Variants in ATP8A2 observed in about 807,000 individuals in gnomAD.
ATP8A2 encodes the protein ATPase phospholipid transporting 8A2.
A neutral mutation model predicts 165.6 loss-of-function variants in ATP8A2; 100 were observed. The observed-to-expected ratio is 0.60, with a 90% confidence interval of 0.51 to 0.71. The LOEUF (loss-of-function observed/expected upper bound fraction) is 0.71. ATP8A2 is among the 30% of genes least tolerant of loss of function. The pLI is 0.00. For synonymous variants in ATP8A2, 543 were observed against 548.8 expected (o/e 0.99, Z 0.15); for missense variants, 1,227 against 1,479.5 (o/e 0.83, Z 2.80).
intron 24 of ATP8A2, among the ~76,000 whole-genome samples, chr13:25,651,335 C>G (rs1433440765): frequency 6.6e-6 from 1 of 151,624 alleles, no homozygotes; most frequent in Admixed American, 6.6e-5. Context: ...CCCAGCTACT[C>G]GGGAGGCTGA....
rs1409523017 is a variant in ATP8A2, at chr13:25,668,391, T to A, written c.2212-30782T>A. Reference sequence around the variant, plus strand: ...ATGGTTTCTGATGAGAAATTGGCAGTTGATTTTATTAAGGATTGCTTGTGT... The same window carrying A: ...ATGGTTTCTGATGAGAAATTGGCAGATGATTTTATTAAGGATTGCTTGTGT... On this transcript the variant is annotated intron_variant, in intron 24 of 36. Coordinates refer to ENST00000381655, the MANE Select transcript of ATP8A2 (RefSeq NM_016529.6). Among the ~76,000 whole-genome samples the A allele has an allele frequency of 2.0e-5, 3 of 152,162 alleles. No individual in the cohort carries two copies. The East Asian group carries it at 5.8e-4, about 29-fold the overall frequency.
At chr13:25,415,498 A>G (rs571014927) in intron 1 of ATP8A2, among the ~76,000 whole-genome samples, 6 of 152,316 alleles carry the variant, frequency 3.9e-5, no homozygotes, top group Non-Finnish European at 7.3e-5. Flanking sequence ...TGAAGATTTC[A>G]TCAGATCAAA....
At chr13:25,828,335 G>T in intron 28 of ATP8A2, 143 bp downstream of exon 28, 1 of 731,226 alleles carries the variant, frequency 1.4e-6, no homozygotes. Flanking sequence ...TGGGCCCTTT[G>T]TTGCTGTGAA....
chr13:25,800,689 TG>T (rs1419456351), intron 27 of ATP8A2, among the ~76,000 whole-genome samples: 1 of 152,170 alleles, frequency 6.6e-6, no homozygotes, highest in Non-Finnish European at 1.5e-5. Context: ...AGTAACTCCC[TG>T]GGCGATCGCC....
chr13:25,976,780 TTTTG>T (rs373315805), intron 35 of ATP8A2, among the ~76,000 whole-genome samples: 1,829 of 150,474 alleles, frequency 0.012, 36 homozygotes, highest in African/African-American at 0.037. Context: ...AAGCGGCTCA[TTTTG>T]TTTGTTTGTT....
intron 10 of ATP8A2, among the ~76,000 whole-genome samples, chr13:25,548,140 C>T (rs1423552563): frequency 5.3e-5 from 8 of 152,058 alleles, no homozygotes; most frequent in East Asian, 1.9e-4. Flanking sequence ...GCAGAAGAAT[C>T]GCTTGAACCT....
At chr13:25,877,588 G>A (rs756829108) in intron 33 of ATP8A2, among the ~76,000 whole-genome samples, 34 of 152,080 alleles carry the variant, frequency 2.2e-4, no homozygotes, top group Middle Eastern at 3.4e-3. Context: ...TCCTCCCCCC[G>A]ACCCCACAAT....
At chr13:25,874,163 T>C (rs1056243461) in intron 33 of ATP8A2, among the ~76,000 whole-genome samples, 1 of 152,152 alleles carries the variant, frequency 6.6e-6, no homozygotes, top group African/African-American at 2.4e-5. Flanking sequence ...CTGGGGACAT[T>C]TACCTGGCCC....
At chr13:25,555,932 G>A (rs1040124694) in intron 13 of ATP8A2, among the ~76,000 whole-genome samples, 2 of 152,164 alleles carry the variant, frequency 1.3e-5, no homozygotes, top group African/African-American at 4.8e-5. Flanking sequence ...CTCCATGCAT[G>A]TTGCTGCAAA....
intron 1 of ATP8A2, among the ~76,000 whole-genome samples, chr13:25,461,758 A>G (rs1460897541): frequency 6.6e-6 from 1 of 152,160 alleles, no homozygotes; most frequent in Non-Finnish European, 1.5e-5. Context: ...AAAGAACTTA[A>G]TTTATATAAG....
rs560133241 is a variant in ATP8A2 at position 25,975,356 on chromosome 13, G to A, written c.3377+6677G>A. ...TGGGAGGCCAAGGCGGGCAGGTCAC[G>A]AGGTCAGGAGATGGAGACCATCCAT... On this transcript the variant is annotated intron_variant, in intron 35 of 36. Coordinates refer to ENST00000381655, the MANE Select transcript of ATP8A2 (RefSeq NM_016529.6). Among the ~76,000 whole-genome samples the A allele has an allele frequency of 1.0e-3, 158 of 152,140 alleles. 1 individual carries two copies. The highest frequency in any genetic ancestry group is 3.7e-3 in the African/African-American group (153 of 41,532).
rs2039239624 is a variant in ATP8A2 at position 25,564,011 on chromosome 13, A to G, written c.1453A>G (p.Lys485Glu). Residue 485 changes from lysine to glutamate, a missense_variant, in exon 16 of 37, where the codon AAG becomes GAG. Physicochemically the swap from Lys to Glu is moderately conservative, Grantham distance 56 (BLOSUM62 1). Coordinates refer to ENST00000381655, the MANE Select transcript of ATP8A2 (RefSeq NM_016529.6). The stretch of plus-strand genomic sequence containing the variant: ...TGACTTTGATGACCCCAGGCTGTTG[A>G]AGAACATTGAGGATCGCCATGTAAG... Reference protein sequence around the residue: ...SCDFDDPRLLKNIEDRHPTAP... With the variant: ...SCDFDDPRLLENIEDRHPTAP... The G allele has an allele frequency of 1.2e-6, 2 of 1,613,024 alleles. No homozygotes were observed. Among genetic ancestry groups the G allele is most frequent in the African/African-American group, 2.7e-5 (2 of 74,852 alleles).
chr13:25,640,866 G>C (rs909868911), intron 24 of ATP8A2, among the ~76,000 whole-genome samples: 4 of 152,126 alleles, frequency 2.6e-5, no homozygotes, highest in African/African-American at 7.2e-5. Flanking sequence ...TAAAATACTG[G>C]CAAACCAAAT....
At chr13:25,904,410 T>C (rs1312922795) in intron 33 of ATP8A2, among the ~76,000 whole-genome samples, 1 of 152,208 alleles carries the variant, frequency 6.6e-6, no homozygotes, top group Non-Finnish European at 1.5e-5. Context: ...CGTTTCCTCA[T>C]AGAATCATGC....
chr13:25,895,671 T>G (rs1953517092), intron 33 of ATP8A2, among the ~76,000 whole-genome samples: 1 of 152,196 alleles, frequency 6.6e-6, no homozygotes, highest in Admixed American at 6.5e-5. Flanking sequence ...CCTGGACTTT[T>G]TTTGGTTGGT....
intron 33 of ATP8A2, among the ~76,000 whole-genome samples, chr13:25,936,971 T>G (rs1271958929): frequency 6.6e-6 from 1 of 152,186 alleles, no homozygotes; most frequent in African/African-American, 2.4e-5. Flanking sequence ...TCACCAGAGG[T>G]GGCTTCTTGT....
chr13:25,659,204 G>A (rs2041998483), intron 24 of ATP8A2, among the ~76,000 whole-genome samples: 1 of 152,170 alleles, frequency 6.6e-6, no homozygotes, highest in Non-Finnish European at 1.5e-5. Flanking sequence ...ACAGATAGTA[G>A]GAGGTGACCC....
intron 27 of ATP8A2, among the ~76,000 whole-genome samples, chr13:25,787,767 C>G (rs549234514): frequency 3.7e-4 from 57 of 152,202 alleles, no homozygotes; most frequent in Non-Finnish European, 5.0e-4. Flanking sequence ...TTGGGGAGTC[C>G]TGGAAGTCCA....
chr13:25,910,663 A>T (rs574090472), intron 33 of ATP8A2, among the ~76,000 whole-genome samples: 1 of 152,292 alleles, frequency 6.6e-6, no homozygotes, highest in South Asian at 2.1e-4. Context: ...CTAGAACCTG[A>T]TGAAAGTGTT....
Sources: allele counts gnomAD v4.1 joint callset (sites outside exome capture counted in the v4.1 genomes callset), GRCh38; gene constraint gnomAD v4.1.1; transcripts MANE v1.5; gene names NCBI Gene and HGNC (gene_info 2026-07-23, HGNC 2026-07-21).